GABRG3: variants seen among roughly 807,000 people sequenced by gnomAD.
The protein encoded by GABRG3 is gamma-aminobutyric acid type A receptor subunit gamma3.
A neutral mutation model predicts 48.8 loss-of-function variants in GABRG3; 25 were observed. That is an observed-to-expected ratio of 0.51 (90% CI 0.37 to 0.72). The LOEUF (loss-of-function observed/expected upper bound fraction) is 0.72, where lower values mean the gene tolerates loss of function less well. Ranked by LOEUF, GABRG3 falls within the 30% of genes least tolerant of loss-of-function variation. GABRG3 has a pLI of 0.00. For missense variants in GABRG3, 394 were observed against 577.9 expected (o/e 0.68, Z 3.26); for synonymous variants, 227 against 217.6 (o/e 1.04, Z -0.38).
At chr15:27,307,336 C>CAT (rs1207876235) in intron 3 of GABRG3, among the ~76,000 whole-genome samples, 3 of 131,128 alleles carry the variant, frequency 2.3e-5, no homozygotes, top group African/African-American at 5.7e-5. Context: ...TATATATAAC[C>CAT]ATAGGTTTAT....
chr15:27,076,546 G>A (rs561780655), intron 3 of GABRG3, among the ~76,000 whole-genome samples: 94 of 152,022 alleles, frequency 6.2e-4, no homozygotes, highest in African/African-American at 2.0e-3. Flanking sequence ...GGATGTTCTC[G>A]ATCTCCTGAC....
intron 5 of GABRG3, among the ~76,000 whole-genome samples, chr15:27,410,361 T>C (rs1371506391): frequency 6.6e-6 from 1 of 152,136 alleles, no homozygotes; most frequent in African/African-American, 2.4e-5. Context: ...TTTTTGTACT[T>C]TTTTAGTTTA....
At chr15:27,219,900 G>T (rs564206258) in intron 3 of GABRG3, among the ~76,000 whole-genome samples, 1 of 152,192 alleles carries the variant, frequency 6.6e-6, no homozygotes, top group Non-Finnish European at 1.5e-5. Context: ...TCATAAGAAC[G>T]ACTCCTTATT....
intron 5 of GABRG3, among the ~76,000 whole-genome samples, chr15:27,396,100 G>A (rs1431604263): frequency 6.6e-6 from 1 of 152,138 alleles, no homozygotes; most frequent in Non-Finnish European, 1.5e-5. Flanking sequence ...TGGCCCTCAA[G>A]CAAACTGCCT....
At chr15:27,404,209 A>C (rs1194389515) in intron 5 of GABRG3, among the ~76,000 whole-genome samples, 1 of 152,164 alleles carries the variant, frequency 6.6e-6, no homozygotes, top group Non-Finnish European at 1.5e-5. Flanking sequence ...CGACAGAGGG[A>C]GACTCCGTCT....
intron 3 of GABRG3, among the ~76,000 whole-genome samples, chr15:27,189,360 G>A (rs1595574712): frequency 6.6e-6 from 1 of 152,286 alleles, no homozygotes; most frequent in African/African-American, 2.4e-5. Context: ...CTACCCATGA[G>A]CATGGAATGT....
chr15:27,518,539 C>T (rs1891084045), intron 6 of GABRG3, among the ~76,000 whole-genome samples: 1 of 152,026 alleles, frequency 6.6e-6, no homozygotes, highest in South Asian at 2.1e-4. Flanking sequence ...CAAATCCATC[C>T]AATTTATGGG....
intron 2 of GABRG3, among the ~76,000 whole-genome samples, chr15:27,013,992 G>A (rs1895733589): frequency 6.6e-6 from 1 of 152,114 alleles, no homozygotes; most frequent in African/African-American, 2.4e-5. Flanking sequence ...ATCTGTGAAA[G>A]CAAGATGTCT....
intron 5 of GABRG3, among the ~76,000 whole-genome samples, chr15:27,341,827 C>T (rs1395169917): frequency 6.6e-6 from 1 of 152,138 alleles, no homozygotes; most frequent in African/African-American, 2.4e-5. Flanking sequence ...CATGCTCTGC[C>T]CTGGCTCGCC....
At chr15:27,349,970 A>AAG (rs377742989) in intron 5 of GABRG3, among the ~76,000 whole-genome samples, 2 of 148,392 alleles carry the variant, frequency 1.3e-5, no homozygotes, top group African/African-American at 5.0e-5. Context: ...ACAAAAAAAA[A>AAG]CCTAACTTTC....
intron 3 of GABRG3, among the ~76,000 whole-genome samples, chr15:27,126,520 C>T (rs1476710505): frequency 1.3e-5 from 2 of 152,140 alleles, no homozygotes; most frequent in South Asian, 2.1e-4. Flanking sequence ...CACTGTGGTG[C>T]GCCATGGCCA....
intron 3 of GABRG3, among the ~76,000 whole-genome samples, chr15:27,238,284 C>G (rs1012116159): frequency 3.3e-5 from 5 of 152,216 alleles, no homozygotes; most frequent in Non-Finnish European, 5.9e-5. Context: ...TTGGGAGAGA[C>G]AGTGTTGTCT....
intron 3 of GABRG3, among the ~76,000 whole-genome samples, chr15:27,128,244 C>T (rs1302093531): frequency 2.6e-5 from 4 of 152,134 alleles, no homozygotes; most frequent in African/African-American, 9.7e-5. Context: ...TGCTTGGCGT[C>T]CATATCTGGT....
intron 3 of GABRG3, among the ~76,000 whole-genome samples, chr15:27,246,110 C>T (rs964159398): frequency 6.6e-6 from 1 of 152,158 alleles, no homozygotes; most frequent in Non-Finnish European, 1.5e-5. Context: ...ACGACCCAAA[C>T]ACCTCCCGCC....
intron 3 of GABRG3, among the ~76,000 whole-genome samples, chr15:27,198,067 AC>A (rs1300102443): frequency 1.3e-5 from 2 of 152,128 alleles, no homozygotes; most frequent in Non-Finnish European, 2.9e-5. Context: ...CCTAGGTAAT[AC>A]CATTCAGGAC....
chr15:27,294,070 A>T (rs1891893870), intron 3 of GABRG3, among the ~76,000 whole-genome samples: 1 of 152,144 alleles, frequency 6.6e-6, no homozygotes, highest in South Asian at 2.1e-4. Context: ...GAAACACTTG[A>T]GGGAGTTAGC....
In GABRG3 at chr15:26,974,394, G is replaced by C. The variant is rs932131255; in HGVS notation, c.54-2608G>C. 1.3e-5 allele frequency among the ~76,000 whole-genome samples: 2 copies of C among 152,130 alleles called. No homozygotes were observed. Among genetic ancestry groups the C allele is most frequent in the Admixed American group, 1.3e-4 (2 of 15,266 alleles). On this transcript the variant is annotated intron_variant, in intron 1 of 9. Coordinates refer to ENST00000615808, the MANE Select transcript of GABRG3 (RefSeq NM_033223.5). This position sits in a 1 kb window ranked among gnomAD's most constrained non-coding sequence, Gnocchi z 4.3. Reference sequence around the variant, plus strand: ...TAAAAACTAAGGCTGCGTATATAGAGAATGATGAAAAGCTGGTTACTGTGC... The same window carrying C: ...TAAAAACTAAGGCTGCGTATATAGACAATGATGAAAAGCTGGTTACTGTGC...
chr15:27,462,958 C>T (rs1203556337), intron 5 of GABRG3, among the ~76,000 whole-genome samples: 1 of 151,962 alleles, frequency 6.6e-6, no homozygotes, highest in Non-Finnish European at 1.5e-5. Flanking sequence ...GTATCAGGAA[C>T]GTTGTCTCTG....
intron 5 of GABRG3, chr15:27,366,087 A>G (rs1003179143): frequency 6.6e-6 from 1 of 152,232 alleles, no homozygotes; most frequent in African/African-American, 2.4e-5. Flanking sequence ...TTCCATCTGT[A>G]GTTCGTGGAA....
Sources: gnomAD v4.1 joint callset for allele counts (sites outside exome capture counted in the v4.1 genomes callset) on GRCh38, gnomAD v4.1.1 for gene constraint, Gnocchi (gnomAD v3.1) non-coding constraint, MANE v1.5 for transcripts, NCBI Gene and HGNC (gene_info 2026-07-23, HGNC 2026-07-21) for gene names.